Variants in LRRC49 observed in about 807,000 individuals in gnomAD.
LRRC49 encodes leucine-rich repeat-containing protein 49.
Under a neutral mutation model 83.3 loss-of-function variants are expected in LRRC49, and 50 were observed. That is an observed-to-expected ratio of 0.60 (90% CI 0.48 to 0.76). The LOEUF is 0.76. LRRC49 is among the 30% of genes least tolerant of loss of function. The pLI is 0.00. For synonymous variants in LRRC49, 286 were observed against 283.3 expected, an observed-to-expected ratio of 1.01 and a Z score of -0.10; for missense variants, 704 against 809.1, an observed-to-expected ratio of 0.87 and a Z score of 1.58.
chr15:70,940,251 A>ATTTTTTT (rs398027829), intron 8 of LRRC49, among the ~76,000 whole-genome samples: 1 of 87,064 alleles, frequency 1.1e-5, no homozygotes, highest in African/African-American at 3.9e-5. Context: ...GAATATATGG[A>ATTTTTTT]TTTTTTTTTT....
In LRRC49 at chr15:70,936,769, G is replaced by A. The variant is rs992860898; in HGVS notation, c.720G>A (p.Val240=). 2 of 1,607,324 alleles carry A rather than the reference G, an allele frequency of 1.2e-6. No homozygotes were observed. Among genetic ancestry groups the A allele is most frequent in the South Asian group, 1.1e-5 (1 of 90,868 alleles). Residue 240 remains valine (V), a synonymous_variant, in exon 8 of 16, where the codon GTG becomes GTA. Coordinates refer to ENST00000260382, the MANE Select transcript of LRRC49 (RefSeq NM_017691.5). ...TGTCTATTTTCTTCCAGAGAGATGT[G>A]GATAATTTGCCCTGCCTCCAACATC... The part of the protein sequence containing the change: ...RHNQITFVRD[V]DNLPCLQHLF...
intron 14 of LRRC49, among the ~76,000 whole-genome samples, 193 bp from the exon 15 acceptor site, chr15:71,036,986 A>C (rs993854226): frequency 6.6e-6 from 1 of 152,168 alleles, no homozygotes; most frequent in Non-Finnish European, 1.5e-5. Context: ...TATGGAAAAA[A>C]TAATTGGGGC....
intron 2 of LRRC49, among the ~76,000 whole-genome samples, chr15:70,883,392 C>T (rs1288961254): frequency 1.3e-5 from 2 of 152,048 alleles, no homozygotes; most frequent in Non-Finnish European, 2.9e-5. Context: ...CAGGGTTTCA[C>T]CATGTTAGCC....
intron 8 of LRRC49, among the ~76,000 whole-genome samples, chr15:70,946,423 A>G (rs554685701): frequency 5.3e-5 from 8 of 152,134 alleles, no homozygotes; most frequent in Non-Finnish European, 8.8e-5. Flanking sequence ...TACAGGATTT[A>G]CTTCTGTTTG....
rs1285480065 is a variant in LRRC49 at position 70,992,549 on chromosome 15, C to G, written c.1169+8292C>G. Among the ~76,000 whole-genome samples the G allele has an allele frequency of 2.6e-5, 4 of 152,176 alleles. No homozygotes were observed. In the East Asian group the frequency reaches 7.7e-4, roughly 29 times the overall value. On this transcript the variant is annotated intron_variant, in intron 11 of 15. Coordinates refer to ENST00000260382, the MANE Select transcript of LRRC49 (RefSeq NM_017691.5). Reference sequence around the variant, plus strand: ...ACAGTCAGGACCCTCAGCTGTAGGTCTGTTGGAGTTTGCTGGAGGTCCACT... The same window carrying G: ...ACAGTCAGGACCCTCAGCTGTAGGTGTGTTGGAGTTTGCTGGAGGTCCACT...
chr15:70,961,159 A>C (rs369774837), intron 8 of LRRC49, among the ~76,000 whole-genome samples: 1 of 152,202 alleles, frequency 6.6e-6, no homozygotes, highest in African/African-American at 2.4e-5. Flanking sequence ...GCAAGTATGC[A>C]TATGAAAAGA....
At chr15:70,952,925 A>C (rs905883351) in intron 8 of LRRC49, among the ~76,000 whole-genome samples, 12 of 152,042 alleles carry the variant, frequency 7.9e-5, no homozygotes, top group Non-Finnish European at 1.5e-4. Flanking sequence ...GTTGGTTTAA[A>C]GCCTGTTTTA....
At chr15:71,026,395 G>A (rs113059912) in intron 14 of LRRC49, among the ~76,000 whole-genome samples, 2,214 of 152,114 alleles carry the variant, frequency 0.015, 49 homozygotes, top group African/African-American at 0.05. Flanking sequence ...ATGTGTCTTC[G>A]TAGTAGAATG....
chr15:70,893,031 G>A (rs2033655797), intron 1 of LRRC49, 89 bp downstream of exon 1: 4 of 1,421,590 alleles, frequency 2.8e-6, no homozygotes, highest in Non-Finnish European at 4.0e-6. Flanking sequence ...GTATTATTAG[G>A]ACCGGCACCG....
chr15:70,861,764 A>T (rs1209298733), intron 1 of LRRC49, among the ~76,000 whole-genome samples: 1 of 152,218 alleles, frequency 6.6e-6, no homozygotes, highest in Non-Finnish European at 1.5e-5. Context: ...AGTTAAAAAT[A>T]GATGGAGACC....
At chr15:70,895,143 A>C (rs1301490215) in intron 2 of LRRC49, among the ~76,000 whole-genome samples, 1 of 152,168 alleles carries the variant, frequency 6.6e-6, no homozygotes. Context: ...TAGTATGGAT[A>C]CATTAGAAGT....
At chr15:70,896,543 C>T (rs576433429) in intron 3 of LRRC49, among the ~76,000 whole-genome samples, 25 of 152,082 alleles carry the variant, frequency 1.6e-4, no homozygotes, top group Non-Finnish European at 3.4e-4. Context: ...ACAAATACTG[C>T]CTCACATGAT....
intron 5 of LRRC49, among the ~76,000 whole-genome samples, chr15:70,908,199 G>A (rs968048417): frequency 1.3e-5 from 2 of 152,230 alleles, no homozygotes; most frequent in African/African-American, 4.8e-5. Context: ...ACGAATACCA[G>A]AAGTCATGTT....
chr15:70,991,943 T>C (rs971916987), intron 11 of LRRC49, among the ~76,000 whole-genome samples: 4 of 152,216 alleles, frequency 2.6e-5, no homozygotes, highest in Non-Finnish European at 5.9e-5. Flanking sequence ...TTTAGGCAAA[T>C]ATGCTTTTTA....
intron 2 of LRRC49, among the ~76,000 whole-genome samples, chr15:70,880,997 C>T (rs933397656): frequency 1.3e-5 from 2 of 152,154 alleles, no homozygotes; most frequent in Non-Finnish European, 2.9e-5. Flanking sequence ...ACCGAGGTGG[C>T]AGGATTGCTT....
At position 70,892,886 on chromosome 15, in the gene LRRC49, T is replaced by C. The variant is rs761028143; in HGVS notation, c.-9T>C. ...CAGATCTAACAGAGAACCTGGACTG[T>C]CTCCTATCATGATTCCCGGGAAATA... On this transcript the variant is annotated 5_prime_UTR_variant, in exon 1 of 16. Transcript: ENST00000260382. The C allele has an allele frequency of 3.7e-6, 6 of 1,614,086 alleles. No individual in the cohort carries two copies. The highest frequency in any genetic ancestry group is 4.2e-6 in the Non-Finnish European group (5 of 1,180,030).
At chr15:70,926,248 T>C (rs539197977) in intron 7 of LRRC49, among the ~76,000 whole-genome samples, 27 of 152,272 alleles carry the variant, frequency 1.8e-4, no homozygotes, top group Non-Finnish European at 3.2e-4. Context: ...TTTTTAAAAA[T>C]TATTTATTTA....
chr15:70,904,432 T>C (rs2141112569), intron 4 of LRRC49, 120 bp from the exon 5 acceptor site: 2 of 635,676 alleles, frequency 3.1e-6, no homozygotes, highest in African/African-American at 1.8e-5. Flanking sequence ...GGGTTGGAAG[T>C]GGTCCAACTT....
intron 15 of LRRC49, among the ~76,000 whole-genome samples, chr15:71,044,387 A>G (rs1487751650): frequency 2.0e-5 from 3 of 152,362 alleles, no homozygotes; most frequent in Non-Finnish European, 4.4e-5. Context: ...ATATGTCATA[A>G]GAAAATTCTT....
Sources: allele counts gnomAD v4.1 joint callset (sites outside exome capture counted in the v4.1 genomes callset), GRCh38; gene constraint gnomAD v4.1.1; transcripts MANE v1.5; gene names NCBI Gene and HGNC (gene_info 2026-07-23, HGNC 2026-07-21).